ZNF675: variants seen among roughly 807,000 people sequenced by gnomAD.
ZNF675 encodes TRAF6 inhibitory zinc finger.
In ZNF675, 36 loss-of-function variants were observed where a neutral mutation model predicts 56.1. The ratio of observed to expected loss-of-function variants is 0.64; its 90% confidence interval spans 0.49 to 0.85. The LOEUF is 0.85. ZNF675 is among the 40% of genes least tolerant of loss of function. The pLI, the probability that ZNF675 is intolerant of heterozygous loss-of-function variation, is 0.00. For missense variants in ZNF675, 663 were observed against 654.2 expected, an observed-to-expected ratio of 1.01 and a Z score of -0.15; for synonymous variants, 200 against 218.9, an observed-to-expected ratio of 0.91 and a Z score of 0.76.
chr19:23,654,235 CATTCTTGACATTTGTAGAGTTTCTCACAA>C lies in ZNF675; in HGVS notation c.669_697del (p.Cys224Ter), dbSNP rs747549036. On this transcript the variant is annotated frameshift_variant, in exon 4 of 4. Transcript: ENST00000359788. LOFTEE classifies it high-confidence loss of function. ...TGAGAATTGGTTAAAAGTTCTGTCA[CATTCTTGACATTTGTAGAGTTTCTCACAA>C]GTATAAATTCTTTTATGTTTAGTAA... 6.2e-7 allele frequency: 1 copy of C among 1,613,946 alleles called. No individual in the cohort carries two copies. The highest frequency in any genetic ancestry group is 8.5e-7 in the Non-Finnish European group (1 of 1,179,938).
Position 23,662,979 on chromosome 19 carries a change from T to C in ZNF675, c.130+53A>G, listed in dbSNP as rs112626715. The stretch of plus-strand genomic sequence containing the variant: ...AGCCTGGTGACAGAGCCAGACTCCG[T>C]CTCAAAAGAAAAACAAAAAAAAAAA... On this transcript the variant is annotated intron_variant, in intron 2 of 3. Transcript: ENST00000359788. 2.2e-3 allele frequency: 3,184 copies of C among 1,423,050 alleles called. 65 individuals are homozygous for C. The African/African-American group carries it at 0.051, about 23-fold the overall frequency. The allele number at this position is 1,423,050 out of a possible 1,614,324, so 88.2% of individuals were successfully genotyped here.
intron 2 of ZNF675, among the ~76,000 whole-genome samples, chr19:23,662,441 G>C (rs1003357002): frequency 6.6e-6 from 1 of 152,162 alleles, no homozygotes; most frequent in Non-Finnish European, 1.5e-5. Flanking sequence ...TAGATTTTAA[G>C]GTGTGGGCAA....
At chr19:23,660,070 GCAAAATCCTCTGC>G (rs993031473) in intron 3 of ZNF675, among the ~76,000 whole-genome samples, 1 of 152,124 alleles carries the variant, frequency 6.6e-6, no homozygotes, top group Non-Finnish European at 1.5e-5. Flanking sequence ...GCCCTACAGA[GCAAAATCCTCTGC>G]CAAAATTCAG....
chr19:23,680,877 G>GA (rs1362159834), intron 1 of ZNF675, among the ~76,000 whole-genome samples: 12 of 151,654 alleles, frequency 7.9e-5, no homozygotes, highest in African/African-American at 2.9e-4. Flanking sequence ...AAGAGAATCA[G>GA]AAAAAAATAC....
chr19:23,686,981 T>A, intron 1 of ZNF675, 50 bp downstream of exon 1: 1 of 1,612,154 alleles, frequency 6.2e-7, no homozygotes, highest in Non-Finnish European at 8.5e-7. Context: ...TTCCCACGGG[T>A]TCCAACCAGC....
intron 1 of ZNF675, 107 bp downstream of exon 1, chr19:23,686,924 A>C: frequency 1.5e-6 from 2 of 1,363,824 alleles, no homozygotes. Flanking sequence ...CTCGGGGTGC[A>C]GATTGTGGAG....
At chr19:23,674,907 G>A (rs1442334139) in intron 1 of ZNF675, among the ~76,000 whole-genome samples, 4 of 151,390 alleles carry the variant, frequency 2.6e-5, no homozygotes, top group African/African-American at 4.9e-5. Context: ...GGGAGGCAGA[G>A]GTTGTAGTGG....
intron 1 of ZNF675, among the ~76,000 whole-genome samples, chr19:23,674,258 T>C (rs1213369785): frequency 1.3e-5 from 2 of 151,796 alleles, no homozygotes; most frequent in African/African-American, 4.9e-5. Context: ...TCACAAAGAA[T>C]GCCAAAAAGT....
At chr19:23,677,840 C>A (rs530213583) in intron 1 of ZNF675, among the ~76,000 whole-genome samples, 9 of 151,704 alleles carry the variant, frequency 5.9e-5, no homozygotes, top group Non-Finnish European at 8.8e-5. Flanking sequence ...TCAGAGATGG[C>A]CGGCTACAGT....
chr19:23,666,137 C>T (rs1286046512), intron 1 of ZNF675, among the ~76,000 whole-genome samples: 1 of 152,202 alleles, frequency 6.6e-6, no homozygotes, highest in Non-Finnish European at 1.5e-5. Flanking sequence ...GGAAAACTAA[C>T]TTTCCATGCC....
chr19:23,680,334 A>G (rs1386562655), intron 1 of ZNF675, among the ~76,000 whole-genome samples: 1 of 151,820 alleles, frequency 6.6e-6, no homozygotes, highest in African/African-American at 2.4e-5. Context: ...GTACATAAAC[A>G]TCATGGAACA....
At chr19:23,669,486 G>C (rs1229741681) in intron 1 of ZNF675, among the ~76,000 whole-genome samples, 1 of 9,354 alleles carries the variant, frequency 1.1e-4, no homozygotes, top group Non-Finnish European at 1.2e-3. Flanking sequence ...CACGGTGGTG[G>C]GGGGGTGGGG....
chr19:23,664,943 T>C (rs998964754), intron 1 of ZNF675, among the ~76,000 whole-genome samples: 2 of 150,190 alleles, frequency 1.3e-5, no homozygotes, highest in African/African-American at 2.5e-5. Context: ...GGAGTGAGAC[T>C]CCGTCTCAAA....
At position 23,667,654 on chromosome 19, in the gene ZNF675, G is replaced by C. The variant is rs1323130487; in HGVS notation, c.4-4496C>G. Among the ~76,000 whole-genome samples the C allele has an allele frequency of 4.0e-5, 6 of 151,544 alleles. No homozygotes were observed. In the South Asian group the frequency reaches 1.3e-3, roughly 32 times the overall value. On this transcript the variant is annotated intron_variant, in intron 1 of 3. Transcript: ENST00000359788. ...ATAAATGTTCTCCAAGGCCCCACCAGAGCAGCTAGATACAGAGTGTCAATT... is the reference window on the plus strand; with the variant it reads ...ATAAATGTTCTCCAAGGCCCCACCACAGCAGCTAGATACAGAGTGTCAATT...
chr19:23,667,248 A>T (rs1032197654), intron 1 of ZNF675, among the ~76,000 whole-genome samples: 1 of 151,994 alleles, frequency 6.6e-6, no homozygotes, highest in African/African-American at 2.4e-5. Context: ...GAAGCTGCAG[A>T]TCTTCATGGT....
At position 23,653,403 on chromosome 19, in the gene ZNF675, A is replaced by T; in HGVS notation, c.1530T>A (p.Cys510Ter). ...RIHTGEKPYK[C>*]EECGKAFSRS... Reference sequence around the variant, plus strand: ...GGCTAAAAGCTTTGCCACATTCTTCACATTTGTAGGGTTTCTCCCCAGTAT... The same window carrying T: ...GGCTAAAAGCTTTGCCACATTCTTCTCATTTGTAGGGTTTCTCCCCAGTAT... The change falls in exon 4 of 4, where the codon TGT becomes TGA. Residue 510 changes from cysteine to a stop codon, truncating the protein, a stop_gained. Transcript: ENST00000359788. LOFTEE classifies it high-confidence loss of function. 4 of 1,613,156 alleles carry T rather than the reference A, an allele frequency of 2.5e-6. No homozygotes were observed. Among genetic ancestry groups the T allele is most frequent in the Non-Finnish European group, 3.4e-6 (4 of 1,179,734 alleles).
chr19:23,685,690 C>CA (rs1177521244), intron 1 of ZNF675, among the ~76,000 whole-genome samples: 1 of 151,916 alleles, frequency 6.6e-6, no homozygotes, highest in East Asian at 1.9e-4. Context: ...CATTCAATGT[C>CA]AAAAAATGCT....
rs899372851 is a variant in ZNF675 at position 23,681,952 on chromosome 19, C to A, written c.3+5079G>T. 7.9e-5 allele frequency among the ~76,000 whole-genome samples: 12 copies of A among 151,762 alleles called. 1 individual carries two copies. Among genetic ancestry groups the A allele is most frequent in the African/African-American group, 2.9e-4 (12 of 41,048 alleles). Reference sequence around the variant, plus strand: ...GTAAAGAGCTATGATTAATAAAATTCTCCATCTTTGTATTCTCCAAAAATA... The same window carrying A: ...GTAAAGAGCTATGATTAATAAAATTATCCATCTTTGTATTCTCCAAAAATA... On this transcript the variant is annotated intron_variant, in intron 1 of 3. Transcript: ENST00000359788.
At chr19:23,686,753 T>C (rs1177083908) in intron 1 of ZNF675, among the ~76,000 whole-genome samples, 1 of 152,132 alleles carries the variant, frequency 6.6e-6, no homozygotes, top group Non-Finnish European at 1.5e-5. Context: ...CCCTGCACAA[T>C]CTGAGAGAAA....
Sources: gnomAD v4.1 joint callset for allele counts (sites outside exome capture counted in the v4.1 genomes callset) on GRCh38, gnomAD v4.1.1 for gene constraint, MANE v1.5 for transcripts, NCBI Gene and HGNC (gene_info 2026-07-23, HGNC 2026-07-21) for gene names.